PRKD1: variants seen among roughly 807,000 people sequenced by gnomAD.
PRKD1 encodes protein kinase D1.
In PRKD1, 63 loss-of-function variants were observed where a neutral mutation model predicts 95.9. That is an observed-to-expected ratio of 0.66 (90% CI 0.54 to 0.81). PRKD1 has a LOEUF of 0.81. Ranked by LOEUF, PRKD1 falls within the 30% of genes least tolerant of loss-of-function variation. The pLI is 0.00. For missense variants in PRKD1, 1,048 were observed against 1,165.3 expected (o/e 0.90, Z 1.47); for synonymous variants, 425 against 423.1 (o/e 1.00, Z -0.05).
intron 1 of PRKD1, among the ~76,000 whole-genome samples, chr14:29,867,804 T>C (rs1892962068): frequency 6.6e-6 from 1 of 152,168 alleles, no homozygotes; most frequent in Admixed American, 6.6e-5. Flanking sequence ...ATGATGGAGT[T>C]AATGAATAAA....
intron 1 of PRKD1, among the ~76,000 whole-genome samples, chr14:29,868,603 G>A (rs1040987595): frequency 2.0e-5 from 3 of 152,094 alleles, no homozygotes; most frequent in African/African-American, 7.2e-5. Flanking sequence ...ATAGAGGAAT[G>A]AGAGGTGAAA....
intron 1 of PRKD1, among the ~76,000 whole-genome samples, chr14:29,793,613 G>A (rs774216314): frequency 6.6e-6 from 1 of 151,980 alleles, no homozygotes; most frequent in South Asian, 2.1e-4. Context: ...TGCATGAACA[G>A]TGAGTATTTC....
chr14:29,801,397 C>T (rs774033294), intron 1 of PRKD1, among the ~76,000 whole-genome samples: 1 of 152,186 alleles, frequency 6.6e-6, no homozygotes, highest in Non-Finnish European at 1.5e-5. Context: ...ACACGTGTAG[C>T]TAGCCATCAC....
At chr14:29,661,408 AC>A (rs1416691382) in intron 4 of PRKD1, among the ~76,000 whole-genome samples, 1 of 152,130 alleles carries the variant, frequency 6.6e-6, no homozygotes, top group Non-Finnish European at 1.5e-5. Context: ...CTTATTAGGC[AC>A]CCACTATAAC....
Position 29,627,229 on chromosome 14 carries a change from C to T in PRKD1, c.1726-673G>A, listed in dbSNP as rs45560532. Among the ~76,000 whole-genome samples, 280 of 152,272 alleles carry T rather than the reference C, an allele frequency of 1.8e-3. 1 individual carries two copies. The highest frequency in any genetic ancestry group is 6.4e-3 in the African/African-American group (267 of 41,566). ...TCATTAAATAATCACGGTTCCCAAC[C>T]ACATGTCTGTGTGAATCCTGATTCC... On this transcript the variant is annotated intron_variant, in intron 11 of 17. Transcript: ENST00000331968.
intron 16 of PRKD1, among the ~76,000 whole-genome samples, chr14:29,585,060 C>CT (rs941508947): frequency 3.0e-4 from 45 of 150,050 alleles, no homozygotes; most frequent in African/African-American, 7.1e-4. Flanking sequence ...AGTGTTTTCT[C>CT]TTTTTTTTTT....
intron 8 of PRKD1, 152 bp downstream of exon 8, chr14:29,634,266 G>A (rs1403749277): frequency 1.7e-6 from 2 of 1,160,586 alleles, no homozygotes; most frequent in African/African-American, 1.5e-5. Context: ...CTGACACCCA[G>A]AGACTGTAAT....
chr14:29,704,556 T>C (rs950786387), intron 2 of PRKD1, among the ~76,000 whole-genome samples: 4 of 152,152 alleles, frequency 2.6e-5, no homozygotes, highest in Non-Finnish European at 4.4e-5. Context: ...AAAGTGCATC[T>C]GACTCCAAAG....
At chr14:29,818,581 T>A (rs975561260) in intron 1 of PRKD1, among the ~76,000 whole-genome samples, 9 of 151,518 alleles carry the variant, frequency 5.9e-5, no homozygotes, top group African/African-American at 1.9e-4. Flanking sequence ...CTTCTTGGCA[T>A]TTAACATTTC....
chr14:29,846,875 T>C (rs2139329139), intron 1 of PRKD1, among the ~76,000 whole-genome samples: 1 of 152,150 alleles, frequency 6.6e-6, no homozygotes, highest in South Asian at 2.1e-4. Context: ...ATGGGATAAA[T>C]GTGAAAGAGA....
At chr14:29,651,393 T>C (rs1387935034) in intron 4 of PRKD1, among the ~76,000 whole-genome samples, 1 of 152,206 alleles carries the variant, frequency 6.6e-6, no homozygotes, top group Non-Finnish European at 1.5e-5. Flanking sequence ...TACATTTCAC[T>C]ATATTTATTA....
In PRKD1 at chr14:29,731,876, T is replaced by A. The variant is rs534742277; in HGVS notation, c.265-6202A>T. On this transcript the variant is annotated intron_variant, in intron 1 of 17. Coordinates refer to ENST00000331968, the MANE Select transcript of PRKD1 (RefSeq NM_002742.3). ...AGTCTGACAATCTCTACTTTTTTTTTTTTTTTTTTTTTTTTGAGACCGAAT... is the reference window on the plus strand; with the variant it reads ...AGTCTGACAATCTCTACTTTTTTTTATTTTTTTTTTTTTTTGAGACCGAAT... Among the ~76,000 whole-genome samples, 367 of 151,680 alleles carry A rather than the reference T, an allele frequency of 2.4e-3. 1 individual carries two copies. The highest frequency in any genetic ancestry group is 8.6e-3 in the African/African-American group (356 of 41,338).
intron 1 of PRKD1, among the ~76,000 whole-genome samples, chr14:29,887,354 T>C (rs1893749353): frequency 6.6e-6 from 1 of 152,212 alleles, no homozygotes; most frequent in Non-Finnish European, 1.5e-5. Context: ...CTATATTGCA[T>C]GAAGATTTTA....
At chr14:29,710,590 G>A (rs753223101) in intron 2 of PRKD1, among the ~76,000 whole-genome samples, 1 of 152,050 alleles carries the variant, frequency 6.6e-6, no homozygotes, top group African/African-American at 2.4e-5. Context: ...GAGCAGAGGA[G>A]ACTTTGAAAA....
chr14:29,688,254 GC>G (rs2139289036), intron 2 of PRKD1, among the ~76,000 whole-genome samples: 1 of 152,164 alleles, frequency 6.6e-6, no homozygotes, highest in African/African-American at 2.4e-5. Flanking sequence ...ATTACTTTGG[GC>G]CCACTAGGAT....
chr14:29,696,205 C>T (rs1343752991), intron 2 of PRKD1, among the ~76,000 whole-genome samples: 1 of 151,582 alleles, frequency 6.6e-6, no homozygotes, highest in East Asian at 1.9e-4. Context: ...TGCTGATGAA[C>T]TGATTTATGT....
chr14:29,863,191 G>C (rs1356978171), intron 1 of PRKD1, among the ~76,000 whole-genome samples: 1 of 152,066 alleles, frequency 6.6e-6, no homozygotes, highest in Non-Finnish European at 1.5e-5. Flanking sequence ...AAATTAAACA[G>C]CTTATTTATT....
chr14:29,641,805 G>T (rs1290213479), intron 4 of PRKD1, among the ~76,000 whole-genome samples: 1 of 150,988 alleles, frequency 6.6e-6, no homozygotes, highest in Non-Finnish European at 1.5e-5. Flanking sequence ...CCATGACCCT[G>T]TAATATATAT....
intron 1 of PRKD1, among the ~76,000 whole-genome samples, chr14:29,840,983 G>C (rs770513328): frequency 3.3e-5 from 5 of 152,196 alleles, no homozygotes; most frequent in Non-Finnish European, 7.3e-5. Context: ...AGCATGACCT[G>C]GATGTGAGAC....
Sources: gnomAD v4.1 joint callset for allele counts (sites outside exome capture counted in the v4.1 genomes callset) on GRCh38, gnomAD v4.1.1 for gene constraint, MANE v1.5 for transcripts, NCBI Gene and HGNC (gene_info 2026-07-23, HGNC 2026-07-21) for gene names.